Variants in OTOF observed in about 807,000 individuals in gnomAD.
OTOF encodes fer-1-like family member 2.
In OTOF, 218 loss-of-function variants were observed where a neutral mutation model predicts 236.8. That is an observed-to-expected ratio of 0.92 (90% CI 0.82 to 1.03). The LOEUF (loss-of-function observed/expected upper bound fraction) is 1.03. Ranked by LOEUF, OTOF falls within the 50% of genes least tolerant of loss-of-function variation. The pLI is 0.00. For missense variants in OTOF, 2,590 were observed against 2,694.4 expected (o/e 0.96, Z 0.86); for synonymous variants, 1,041 against 1,072.5 (o/e 0.97, Z 0.57).
chr2:26,463,623 G>T, intron 40 of OTOF, 52 bp from the exon 41 acceptor site: 5 of 1,417,916 alleles, frequency 3.5e-6, no homozygotes, highest in Non-Finnish European at 4.9e-6. Flanking sequence ...CTCTGCCCAG[G>T]AAGATCAGCT....
intron 9 of OTOF, among the ~76,000 whole-genome samples, chr2:26,490,124 C>G (rs536534363): frequency 1.3e-5 from 2 of 152,344 alleles, no homozygotes; most frequent in South Asian, 2.1e-4. Flanking sequence ...ATTCTCTGAA[C>G]CTCAGTTTTT....
chr2:26,479,923 G>C (rs1398938703), intron 16 of OTOF, among the ~76,000 whole-genome samples: 2 of 152,238 alleles, frequency 1.3e-5, no homozygotes, highest in Non-Finnish European at 2.9e-5. Context: ...CCCCGGGAAG[G>C]GCTTCTCCCT....
chr2:26,510,710 CT>C lies in OTOF; in HGVS notation c.509+5707del, dbSNP rs768828745. 662 of 1,289,262 alleles carry C rather than the reference CT, an allele frequency of 5.1e-4. 4 individuals carry two copies. Among genetic ancestry groups the C allele is most frequent in the Non-Finnish European group, 3.5e-4 (342 of 988,476 alleles). The allele number at this position is 1,289,262 out of a possible 1,614,324, so 79.9% of individuals were successfully genotyped here. A position where few individuals can be genotyped will look rare whatever the true frequency, so the allele number is the denominator to read the frequency against. On this transcript the variant is annotated intron_variant, in intron 5 of 46. Coordinates refer to ENST00000272371, the MANE Select transcript of OTOF (RefSeq NM_194248.3). The stretch of plus-strand genomic sequence containing the variant: ...CCCTCGCCTGGGACACCTACTTGTG[CT>C]CGTCATCTCTGCCTCCCTTGGTCTT...
At chr2:26,554,783 T>G (rs1572503979) in intron 1 of OTOF, among the ~76,000 whole-genome samples, 3 of 140,184 alleles carry the variant, frequency 2.1e-5, no homozygotes, top group African/African-American at 5.3e-5. Flanking sequence ...AGGGGGAGGG[T>G]GGGAAGAAGA....
intron 8 of OTOF, among the ~76,000 whole-genome samples, chr2:26,497,991 A>G (rs1056292245): frequency 3.3e-5 from 5 of 152,212 alleles, no homozygotes; most frequent in Non-Finnish European, 7.3e-5. Context: ...CAACAATAAA[A>G]AAGGCTTTCT....
intron 8 of OTOF, among the ~76,000 whole-genome samples, chr2:26,499,220 G>A (rs1475702711): frequency 6.6e-6 from 1 of 152,072 alleles, no homozygotes; most frequent in Non-Finnish European, 1.5e-5. Context: ...TTCTTGCCTT[G>A]GAGATGGCAA....
chr2:26,507,248 G>C (rs1276084711), intron 5 of OTOF, among the ~76,000 whole-genome samples: 1 of 152,170 alleles, frequency 6.6e-6, no homozygotes, highest in African/African-American at 2.4e-5. Flanking sequence ...GATTCTCCTA[G>C]ACTTGCTCTT....
At chr2:26,519,551 T>A (rs1666624250) in intron 3 of OTOF, among the ~76,000 whole-genome samples, 2 of 152,122 alleles carry the variant, frequency 1.3e-5, no homozygotes, top group African/African-American at 4.8e-5. Flanking sequence ...CACTCACTCA[T>A]CCATTCCACA....
In OTOF at chr2:26,469,629, C is replaced by A. The variant is rs565180383; in HGVS notation, c.4023+964G>T. On this transcript the variant is annotated intron_variant, in intron 32 of 46. Coordinates refer to ENST00000272371, the MANE Select transcript of OTOF (RefSeq NM_194248.3). ...TGAATTAGAACATGATGTTGAGTCA[C>A]CTCCAACCTTACAGATGTGACAAAC... is the stretch of plus-strand genomic sequence containing the variant. Among the ~76,000 whole-genome samples the A allele has an allele frequency of 3.9e-5, 6 of 152,310 alleles. No individual in the cohort carries two copies. The South Asian group carries it at 1.2e-3, about 32-fold the overall frequency.
chr2:26,459,945 T>C, intron 46 of OTOF, 63 bp downstream of exon 46: 2 of 1,396,872 alleles, frequency 1.4e-6, no homozygotes, highest in Non-Finnish European at 2.0e-6. Flanking sequence ...TGCGTGTATA[T>C]GTGTGTGTGT....
chr2:26,470,858 G>T lies in OTOF; in HGVS notation c.3895-137C>A, dbSNP rs1664942077. The T allele has an allele frequency of 6.8e-7, 1 of 1,473,866 alleles. No individual in the cohort carries two copies. The highest frequency in any genetic ancestry group is 9.2e-7 in the Non-Finnish European group (1 of 1,089,988). 91.3% of individuals were successfully genotyped at this position (1,473,866 alleles called of 1,614,324 possible). A position where few individuals can be genotyped will look rare whatever the true frequency, so the allele number is the denominator to read the frequency against. ...CTCTGTGGGGCCACCCATGTCCAAG[G>T]GGCAGGGCCTTATTTTATGGAGAAG... On this transcript the variant is annotated intron_variant, in intron 31 of 46. Coordinates refer to ENST00000272371, the MANE Select transcript of OTOF (RefSeq NM_194248.3). This position sits in a 1 kb window ranked among gnomAD's most constrained non-coding sequence, Gnocchi z 4.3.
At chr2:26,538,884 G>T (rs557073636) in intron 1 of OTOF, among the ~76,000 whole-genome samples, 4 of 150,362 alleles carry the variant, frequency 2.7e-5, no homozygotes, top group African/African-American at 9.7e-5. Context: ...CACGATCTCG[G>T]CTCACTGCAA....
At chr2:26,480,519 C>G (rs981854782) in intron 15 of OTOF, among the ~76,000 whole-genome samples, 27 of 152,218 alleles carry the variant, frequency 1.8e-4, no homozygotes, top group Admixed American at 1.7e-3. Flanking sequence ...CAGGGACAGC[C>G]GTGGCTGGGA....
rs1165922433 is a variant in OTOF, at chr2:26,464,011, C to T, written c.5056G>A (p.Val1686Met). 1 of 1,613,830 alleles carries T rather than the reference C, an allele frequency of 6.2e-7. No individual in the cohort carries two copies. Among genetic ancestry groups the T allele is most frequent in the Non-Finnish European group, 8.5e-7 (1 of 1,180,038 alleles). ...RAGCRLVPEHVETRPLLNPDK... is the reference protein window; with the variant it reads ...RAGCRLVPEHMETRPLLNPDK... The stretch of plus-strand genomic sequence containing the variant: ...GGGTTGAGCAGCGGCCTCGTCTCCA[C>T]ATGCTCTGGCACCAGGCGGCAGCCT... Residue 1686 changes from valine (V) to methionine (M), a missense_variant, in exon 40 of 47, where the codon GTG becomes ATG. Physicochemically the swap from Val to Met is conservative, Grantham distance 21. This residue lies in a region of OTOF where 1,211 missense variants were observed against 1,352.8 expected (regional missense o/e 0.90). Transcript: ENST00000272371.
intron 29 of OTOF, 115 bp from the exon 30 acceptor site, chr2:26,472,764 G>C (rs1319624611): frequency 3.8e-6 from 4 of 1,064,916 alleles, no homozygotes; most frequent in Non-Finnish European, 4.2e-6. Context: ...TTCTGAGGGA[G>C]AGGGGGACAG....
At position 26,477,491 on chromosome 2, in the gene OTOF, G is replaced by A. The variant is rs778491732; in HGVS notation, c.2331C>T (p.Leu777=). 4 of 1,603,620 alleles carry A rather than the reference G, an allele frequency of 2.5e-6. No homozygotes were observed. Among genetic ancestry groups the A allele is most frequent in the African/African-American group, 1.3e-5 (1 of 74,818 alleles). ...ATGAGTGGCCCTGGTCCTTGTCAGC[G>A]AGGGAGAGGAAGCGGCTGGGGGTAG... ...LSCGCCRFLS[L]ADKDQGHSSR... is the part of the protein sequence containing the mutation. Residue 777 remains leucine, a synonymous_variant, in exon 20 of 47, where the codon CTC becomes CTT. Coordinates refer to ENST00000272371, the MANE Select transcript of OTOF (RefSeq NM_194248.3). The surrounding 1 kb of genome is among the most constrained non-coding windows in gnomAD (Gnocchi z 4.7).
intron 41 of OTOF, among the ~76,000 whole-genome samples, chr2:26,463,052 A>G (rs1429753294): frequency 1.3e-5 from 2 of 152,174 alleles, no homozygotes; most frequent in Non-Finnish European, 2.9e-5. Context: ...GGATGTGAGG[A>G]TGACGCAGGG....
At chr2:26,503,013 A>G (rs1002111889) in intron 6 of OTOF, among the ~76,000 whole-genome samples, 2 of 152,128 alleles carry the variant, frequency 1.3e-5, no homozygotes, top group Non-Finnish European at 2.9e-5. Flanking sequence ...TTTGGTCCTC[A>G]GCCAGCAGCT....
At position 26,516,485 on chromosome 2, in the gene OTOF, C is replaced by A. The variant is rs1666528692; in HGVS notation, c.442G>T (p.Glu148Ter). 1 of 1,613,810 alleles carries A rather than the reference C, an allele frequency of 6.2e-7. No homozygotes were observed. The change falls in exon 5 of 47, where the codon GAG (glutamate) becomes TAG (stop). Residue 148 changes from glutamate (E) to a stop codon, truncating the protein, a stop_gained. Transcript: ENST00000272371. LOFTEE classifies it high-confidence loss of function. ...GAGCCTGGGAGCAGTCCATCCGTCT[C>A]TTGGCTGTCCTTCTCTTCCTCTTGA... ...SLQEEEKDSQ[E>*]TDGLLPGSRP...
Sources: allele counts gnomAD v4.1 joint callset (sites outside exome capture counted in the v4.1 genomes callset), GRCh38; gene constraint gnomAD v4.1.1; regional missense constraint gnomAD v4.1.1; non-coding constraint Gnocchi (gnomAD v3.1); transcripts MANE v1.5; gene names NCBI Gene and HGNC (gene_info 2026-07-23, HGNC 2026-07-21).